Variants in TRHDE observed in about 807,000 individuals in gnomAD.
TRHDE encodes thyrotropin-releasing hormone-degrading ectoenzyme.
A neutral mutation model predicts 125.7 loss-of-function variants in TRHDE; 72 were observed. That is an observed-to-expected ratio of 0.57 (90% CI 0.47 to 0.70). The LOEUF (loss-of-function observed/expected upper bound fraction) is 0.70, where lower values mean the gene tolerates loss of function less well. Ranked by LOEUF, TRHDE falls within the 30% of genes least tolerant of loss-of-function variation. TRHDE has a pLI of 0.00. For missense variants in TRHDE, 1,110 were observed against 1,327.1 expected, an observed-to-expected ratio of 0.84 and a Z score of 2.54; for synonymous variants, 509 against 509.1, an observed-to-expected ratio of 1.00 and a Z score of 0.00.
chr12:72,473,287 A>C lies in TRHDE; in HGVS notation c.1584+107A>C, dbSNP rs1004144844. The C allele has an allele frequency of 1.5e-5, 11 of 755,992 alleles. No individual in the cohort carries two copies. The African/African-American group carries it at 1.8e-4, about 12-fold the overall frequency. The allele number at this position is 755,992 out of a possible 1,614,324, so 46.8% of individuals were successfully genotyped here. A position where few individuals can be genotyped will look rare whatever the true frequency, so the allele number is the denominator to read the frequency against. ...ACTAAAAATACCAACTGATGCATGA[A>C]AATGTATCAATAAAGTGTAACCAAA... On this transcript the variant is annotated intron_variant, in intron 5 of 18. Coordinates refer to ENST00000261180, the MANE Select transcript of TRHDE (RefSeq NM_013381.3).
intron 2 of TRHDE, among the ~76,000 whole-genome samples, chr12:72,318,568 ACCACG>A (rs914906639): frequency 2.0e-5 from 3 of 152,106 alleles, no homozygotes; most frequent in African/African-American, 7.2e-5. Context: ...AGAAGAGAAC[ACCACG>A]GCCCAGCTGT....
At position 72,490,053 on chromosome 12, in the gene TRHDE, G is replaced by A. The variant is rs1877591713; in HGVS notation, c.1585-9445G>A. The stretch of plus-strand genomic sequence containing the variant: ...AAGGAAACAACAAAATAAAATGGCA[G>A]CCTATGGATTGGGAAAAAAAGTTTG... On this transcript the variant is annotated intron_variant, in intron 5 of 18. Coordinates refer to ENST00000261180, the MANE Select transcript of TRHDE (RefSeq NM_013381.3). Among the ~76,000 whole-genome samples the A allele has an allele frequency of 3.3e-5, 5 of 151,756 alleles. No homozygotes were observed. In the South Asian group the frequency reaches 8.3e-4, roughly 25 times the overall value.
At chr12:72,336,144 A>G (rs1396062585) in intron 2 of TRHDE, among the ~76,000 whole-genome samples, 1 of 152,106 alleles carries the variant, frequency 6.6e-6, no homozygotes, top group Non-Finnish European at 1.5e-5. Context: ...CTTACCATTT[A>G]TTATCTATTC....
At chr12:72,317,575 T>C (rs1868863401) in intron 2 of TRHDE, among the ~76,000 whole-genome samples, 1 of 152,160 alleles carries the variant, frequency 6.6e-6, no homozygotes, top group African/African-American at 2.4e-5. Flanking sequence ...TAAGCCCTTT[T>C]GTAAAGACAC....
At chr12:72,431,618 A>G (rs551999248) in intron 3 of TRHDE, 3 of 151,406 alleles carry the variant, frequency 2.0e-5, no homozygotes, top group South Asian at 4.2e-4. Flanking sequence ...TAATGTTCAG[A>G]TCTGCCAATA....
chr12:72,371,841 G>A (rs1201128157), intron 2 of TRHDE, among the ~76,000 whole-genome samples: 9 of 152,180 alleles, frequency 5.9e-5, no homozygotes, highest in South Asian at 4.1e-4. Context: ...GAATAGTGCC[G>A]CAATAAACAT....
chr12:72,129,604 C>T (rs1875814114), intron 2 of TRHDE, among the ~76,000 whole-genome samples: 1 of 152,210 alleles, frequency 6.6e-6, no homozygotes, highest in African/African-American at 2.4e-5. Flanking sequence ...ACTTTGGATA[C>T]ATTTTACTTT....
At chr12:72,345,089 GTTAA>G (rs1383566228) in intron 2 of TRHDE, among the ~76,000 whole-genome samples, 10 of 152,204 alleles carry the variant, frequency 6.6e-5, no homozygotes, top group African/African-American at 1.2e-4. Context: ...AACTTCGCTT[GTTAA>G]TTAATGAGGA....
At chr12:72,440,356 G>A (rs1874945650) in intron 3 of TRHDE, among the ~76,000 whole-genome samples, 1 of 151,704 alleles carries the variant, frequency 6.6e-6, no homozygotes, top group Admixed American at 6.6e-5. Flanking sequence ...AAATCATTAG[G>A]TCATAGGCTT....
At chr12:72,487,095 T>C (rs1877448140) in intron 5 of TRHDE, among the ~76,000 whole-genome samples, 1 of 152,050 alleles carries the variant, frequency 6.6e-6, no homozygotes, top group African/African-American at 2.4e-5. Flanking sequence ...GAAATGATTG[T>C]CAGAATTTTT....
At chr12:72,094,266 A>G (rs1177038744) in intron 1 of TRHDE, among the ~76,000 whole-genome samples, 1 of 152,170 alleles carries the variant, frequency 6.6e-6, no homozygotes, top group Non-Finnish European at 1.5e-5. Flanking sequence ...TCACTGGGTC[A>G]CTAGGTGAGT....
At chr12:72,260,964 G>T (rs1471664953) in intron 2 of TRHDE, among the ~76,000 whole-genome samples, 1 of 152,106 alleles carries the variant, frequency 6.6e-6, no homozygotes, top group African/African-American at 2.4e-5. Flanking sequence ...TTTGACAGTC[G>T]TTGGTAAATT....
intron 2 of TRHDE, chr12:72,257,743 T>C (rs1168446828): frequency 6.6e-6 from 1 of 152,190 alleles, no homozygotes; most frequent in African/African-American, 2.4e-5. Context: ...TTTTAATAAC[T>C]TCACACATTC....
At chr12:72,232,790 T>C (rs1465786688) in intron 2 of TRHDE, among the ~76,000 whole-genome samples, 1 of 152,152 alleles carries the variant, frequency 6.6e-6, no homozygotes, top group Non-Finnish European at 1.5e-5. Flanking sequence ...AATAACACCT[T>C]TACAGTAAAT....
At chr12:72,381,532 A>T (rs1327887978) in intron 3 of TRHDE, among the ~76,000 whole-genome samples, 1 of 150,240 alleles carries the variant, frequency 6.7e-6, no homozygotes, top group Admixed American at 6.6e-5. Context: ...AGTAGCTGGG[A>T]CTACAGGCGC....
chr12:72,165,308 T>G (rs1296689875), intron 2 of TRHDE, among the ~76,000 whole-genome samples: 2 of 152,166 alleles, frequency 1.3e-5, no homozygotes, highest in African/African-American at 4.8e-5. Flanking sequence ...ACTACCAACA[T>G]CTCACAAGCA....
rs530853036 is a variant in TRHDE, at chr12:72,239,092, C to T, written n.279+133340C>T. Among the ~76,000 whole-genome samples the T allele has an allele frequency of 6.6e-5, 10 of 152,172 alleles. No individual in the cohort carries two copies. The Middle Eastern group carries it at 0.014, about 207-fold the overall frequency. On this transcript the variant is annotated intron_variant and non_coding_transcript_variant, in intron 2 of 4. Transcript: ENST00000548156. ...TTTTAATGATTGCTATTCTAACTGG[C>T]GAGAGATGGTATCTCATTGTGGTTT...
chr12:72,152,192 C>T (rs1352583018), intron 2 of TRHDE, among the ~76,000 whole-genome samples: 1 of 150,258 alleles, frequency 6.7e-6, no homozygotes, highest in Non-Finnish European at 1.5e-5. Flanking sequence ...ATTTGGCTCT[C>T]TGTTTGTCTG....
chr12:72,212,745 T>C (rs1035716836), intron 2 of TRHDE, among the ~76,000 whole-genome samples: 1 of 152,142 alleles, frequency 6.6e-6, no homozygotes, highest in African/African-American at 2.4e-5. Context: ...GAATGTACAA[T>C]GGCACAACCA....
Sources: allele counts gnomAD v4.1 joint callset (sites outside exome capture counted in the v4.1 genomes callset), GRCh38; gene constraint gnomAD v4.1.1; transcripts MANE v1.5; gene names NCBI Gene and HGNC (gene_info 2026-07-23, HGNC 2026-07-21).